Variants in SV2C observed in about 807,000 individuals in gnomAD.
The protein encoded by SV2C is solute carrier family 22 member B3.
Under a neutral mutation model 79.7 loss-of-function variants are expected in SV2C, and 49 were observed. The observed-to-expected ratio is 0.61, with a 90% CI of 0.49 to 0.78. The LOEUF is 0.78. Ranked by LOEUF, SV2C falls within the 30% of genes least tolerant of loss-of-function variation. SV2C has a pLI of 0.00. For missense variants in SV2C, 833 were observed against 912.9 expected, an observed-to-expected ratio of 0.91 and a Z score of 1.13; for synonymous variants, 334 against 333.2, an observed-to-expected ratio of 1.00 and a Z score of -0.03.
At chr5:76,340,365 T>C (rs1479494369) in intron 12 of SV2C, among the ~76,000 whole-genome samples, 1 of 152,244 alleles carries the variant, frequency 6.6e-6, no homozygotes, top group East Asian at 1.9e-4. Context: ...TAAACTTGTC[T>C]TCACTTTACT....
chr5:76,099,549 A>G (rs929080941), intron 1 of SV2C, among the ~76,000 whole-genome samples: 2 of 152,124 alleles, frequency 1.3e-5, no homozygotes, highest in African/African-American at 2.4e-5. Flanking sequence ...CCAACCACTG[A>G]TTTTTAGTCT....
At chr5:75,910,575 A>G in the SV2C span, 7 of 693,356 alleles carry the variant, frequency 1.0e-5, no homozygotes, top group Non-Finnish European at 1.6e-5. Context: ...CAGTTCAGTG[A>G]GATTGAGGAG....
At position 76,209,739 on chromosome 5, in the gene SV2C, T is replaced by C. The variant is rs755802436; in HGVS notation, c.765T>C (p.Ile255=). Residue 255 remains isoleucine (I), a synonymous_variant, in exon 4 of 13, where the codon ATT becomes ATC. Transcript: ENST00000502798. ...LFCRLLSGFG[I]GGAIPTVFSY... ...TATTCTCTGTACCTCTTGGCAGGAT[T>C]GGAGGAGCCATACCCACTGTGTTCT... The C allele has an allele frequency of 1.9e-6, 3 of 1,613,934 alleles. No individual in the cohort carries two copies.
chr5:76,208,182 C>A (rs772083993), intron 3 of SV2C, among the ~76,000 whole-genome samples: 146 of 152,306 alleles, frequency 9.6e-4, no homozygotes, highest in Non-Finnish European at 1.7e-3. Context: ...CTAAGAAACA[C>A]ACTGTGACCC....
At chr5:76,308,124 T>C (rs769254727) in intron 12 of SV2C, among the ~76,000 whole-genome samples, 2 of 152,250 alleles carry the variant, frequency 1.3e-5, no homozygotes, top group Non-Finnish European at 1.5e-5. Flanking sequence ...TATTATGTTA[T>C]GAGAATTTGG....
At chr5:75,878,270 A>G in the SV2C span, among the ~76,000 whole-genome samples, 10 of 152,200 alleles carry the variant, frequency 6.6e-5, no homozygotes, top group Admixed American at 3.9e-4. Flanking sequence ...AGTATTTTAT[A>G]TGAAATATCT....
At chr5:76,167,933 C>G (rs1375910181) in intron 2 of SV2C, among the ~76,000 whole-genome samples, 1 of 152,194 alleles carries the variant, frequency 6.6e-6, no homozygotes, top group Non-Finnish European at 1.5e-5. Context: ...GAAACAGCTT[C>G]TAATCTAGAG....
intron 4 of SV2C, among the ~76,000 whole-genome samples, chr5:76,263,823 G>C (rs867341037): frequency 4.6e-5 from 7 of 151,752 alleles, no homozygotes; most frequent in South Asian, 2.1e-4. Context: ...TCCCTTTGTA[G>C]GTAACCTGAC....
the SV2C span, among the ~76,000 whole-genome samples, chr5:76,034,367 A>G: frequency 1.3e-5 from 2 of 152,196 alleles, no homozygotes; most frequent in Non-Finnish European, 2.9e-5. Flanking sequence ...TCCATTCAGT[A>G]TGATATTGGC....
At chr5:75,956,665 A>T in the SV2C span, among the ~76,000 whole-genome samples, 9 of 151,914 alleles carry the variant, frequency 5.9e-5, no homozygotes, top group Admixed American at 5.9e-4. Flanking sequence ...TCAATTCACC[A>T]TCCCCGCAAG....
At chr5:75,975,414 G>C in the SV2C span, among the ~76,000 whole-genome samples, 1 of 152,092 alleles carries the variant, frequency 6.6e-6, no homozygotes, top group Non-Finnish European at 1.5e-5. Flanking sequence ...CAAAATCCTT[G>C]CTCCATGTCT....
chr5:76,097,994 C>T (rs1169742780), intron 1 of SV2C, among the ~76,000 whole-genome samples: 1 of 152,098 alleles, frequency 6.6e-6, no homozygotes, highest in Non-Finnish European at 1.5e-5. Flanking sequence ...AGTCCGAAGG[C>T]TTGTCCTGTG....
chr5:76,054,334 T>C, the SV2C span, among the ~76,000 whole-genome samples: 1 of 152,226 alleles, frequency 6.6e-6, no homozygotes, highest in Non-Finnish European at 1.5e-5. Flanking sequence ...CATTCTTTTT[T>C]ATGGCTGCAT....
chr5:75,883,761 C>G, the SV2C span, among the ~76,000 whole-genome samples: 2 of 150,700 alleles, frequency 1.3e-5, no homozygotes, highest in Non-Finnish European at 3.0e-5. Context: ...TGGGTGCAGC[C>G]CACCAGCCTG....
chr5:76,317,336 G>A (rs1309821855), intron 12 of SV2C, among the ~76,000 whole-genome samples: 1 of 152,124 alleles, frequency 6.6e-6, no homozygotes, highest in East Asian at 1.9e-4. Flanking sequence ...GCCCCATGCT[G>A]AGTCTTGAGT....
chr5:75,920,719 C>T, the SV2C span: 3 of 761,070 alleles, frequency 3.9e-6, no homozygotes, highest in Non-Finnish European at 7.3e-6. Flanking sequence ...TGGAACCACT[C>T]AATCTGCGTC....
At chr5:75,868,795 T>C in the SV2C span, among the ~76,000 whole-genome samples, 2 of 152,000 alleles carry the variant, frequency 1.3e-5, no homozygotes, top group East Asian at 3.9e-4. Context: ...CACTCCAGAG[T>C]CCCCTGCCCA....
the SV2C span, among the ~76,000 whole-genome samples, chr5:75,894,888 C>T: frequency 6.6e-6 from 1 of 151,926 alleles, no homozygotes; most frequent in Admixed American, 6.6e-5. Context: ...CTCTAACTGA[C>T]CTTAAGGCTG....
At chr5:76,286,055 A>G in intron 6 of SV2C, 185 bp downstream of exon 6, 2 of 536,006 alleles carry the variant, frequency 3.7e-6, no homozygotes, top group East Asian at 3.3e-5. Context: ...CTGTGTGTCA[A>G]TAAAACTTTA....
Sources: gnomAD v4.1 joint callset for allele counts (sites outside exome capture counted in the v4.1 genomes callset) on GRCh38, gnomAD v4.1.1 for gene constraint, MANE v1.5 for transcripts, NCBI Gene and HGNC (gene_info 2026-07-23, HGNC 2026-07-21) for gene names.